Variants in ZNF804B observed in about 807,000 individuals in gnomAD.
ZNF804B encodes the protein zinc finger 804B.
ZNF804B carries 80 observed loss-of-function variants against 101.4 expected under a neutral mutation model. That is an observed-to-expected ratio of 0.79 (90% CI 0.66 to 0.95). The LOEUF (loss-of-function observed/expected upper bound fraction) is 0.95. Among genes scored for constraint, ZNF804B ranks in the 40% least tolerant of loss-of-function variants. ZNF804B has a pLI of 0.00. For synonymous variants in ZNF804B, 622 were observed against 558.8 expected (o/e 1.11, Z -1.59); for missense variants, 1,673 against 1,561.9 (o/e 1.07, Z -1.20).
rs537915887 is a variant in ZNF804B, at chr7:89,031,584, A to T, written c.109-186571A>T. ...AATGGCAGCAAAAACATACATCCTAATTTTTTTTCCTTGTTCTGCCATTAA... is the reference window on the plus strand; with the variant it reads ...AATGGCAGCAAAAACATACATCCTATTTTTTTTTCCTTGTTCTGCCATTAA... On this transcript the variant is annotated intron_variant, in intron 1 of 3. Coordinates refer to ENST00000333190, the MANE Select transcript of ZNF804B (RefSeq NM_181646.5). Among the ~76,000 whole-genome samples, 11 of 151,422 alleles carry T rather than the reference A, an allele frequency of 7.3e-5. No homozygotes were observed. In the East Asian group the frequency reaches 2.1e-3, roughly 29 times the overall value.
At chr7:88,780,164 A>G (rs1276257867) in intron 1 of ZNF804B, among the ~76,000 whole-genome samples, 1 of 152,196 alleles carries the variant, frequency 6.6e-6, no homozygotes, top group Non-Finnish European at 1.5e-5. Context: ...TCCAAAAGAC[A>G]GGGAATACAA....
chr7:89,074,767 C>A (rs563584536), intron 1 of ZNF804B, among the ~76,000 whole-genome samples: 1 of 152,070 alleles, frequency 6.6e-6, no homozygotes, highest in East Asian at 1.9e-4. Context: ...CAGAAGAAGA[C>A]AGGAAAATAT....
At chr7:89,142,665 G>C (rs1790734071) in intron 1 of ZNF804B, among the ~76,000 whole-genome samples, 2 of 151,986 alleles carry the variant, frequency 1.3e-5, no homozygotes, top group Admixed American at 1.3e-4. Context: ...TGGGCACAAT[G>C]GTTCTGGCAC....
chr7:88,932,792 A>T (rs1792906969), intron 1 of ZNF804B, among the ~76,000 whole-genome samples: 1 of 151,868 alleles, frequency 6.6e-6, no homozygotes, highest in South Asian at 2.1e-4. Context: ...AACTAGATGG[A>T]TTCACAGATG....
chr7:89,255,037 C>T (rs1209793231), intron 2 of ZNF804B, among the ~76,000 whole-genome samples: 1 of 152,138 alleles, frequency 6.6e-6, no homozygotes, highest in Non-Finnish European at 1.5e-5. Context: ...GAAGAAATAA[C>T]TGAGACTGGC....
In ZNF804B at chr7:88,817,059, A is replaced by T. The variant is rs556249577; in HGVS notation, c.108+56975A>T. Among the ~76,000 whole-genome samples the T allele has an allele frequency of 1.1e-4, 16 of 152,254 alleles. No individual in the cohort carries two copies. The East Asian group carries it at 3.1e-3, about 30-fold the overall frequency. On this transcript the variant is annotated intron_variant, in intron 1 of 3. Coordinates refer to ENST00000333190, the MANE Select transcript of ZNF804B (RefSeq NM_181646.5). ...ATGGAATACTATGCAGCCATAAAAA[A>T]TGATGAGTTCATGTCCTTTGTAGGG...
At chr7:88,772,403 C>T (rs949409977) in intron 1 of ZNF804B, among the ~76,000 whole-genome samples, 15 of 152,166 alleles carry the variant, frequency 9.9e-5, no homozygotes, top group Non-Finnish European at 2.9e-5. Context: ...ATGCATTCCA[C>T]CCCTGAAGTG....
At chr7:89,205,840 G>T (rs1024335360) in intron 1 of ZNF804B, among the ~76,000 whole-genome samples, 7 of 152,190 alleles carry the variant, frequency 4.6e-5, no homozygotes, top group African/African-American at 1.7e-4. Context: ...TCCCAGTGGG[G>T]ATTCTATGTG....
chr7:88,839,862 A>G (rs993160735), intron 1 of ZNF804B, among the ~76,000 whole-genome samples: 1 of 152,110 alleles, frequency 6.6e-6, no homozygotes, highest in South Asian at 2.1e-4. Flanking sequence ...CAAATAATCT[A>G]TACATAGCAC....
intron 1 of ZNF804B, among the ~76,000 whole-genome samples, chr7:88,818,231 A>C (rs1166941074): frequency 1.3e-5 from 2 of 152,200 alleles, no homozygotes; most frequent in Admixed American, 1.3e-4. Context: ...TATTAAACTT[A>C]TTAGTCACAA....
chr7:88,898,859 G>T (rs1315328991), intron 1 of ZNF804B, among the ~76,000 whole-genome samples: 1 of 152,244 alleles, frequency 6.6e-6, no homozygotes, highest in South Asian at 2.1e-4. Context: ...CAGGGTGATA[G>T]CTTCACTGGT....
intron 1 of ZNF804B, among the ~76,000 whole-genome samples, chr7:89,050,401 T>C (rs1789181483): frequency 6.6e-6 from 1 of 152,162 alleles, no homozygotes; most frequent in Admixed American, 6.5e-5. Flanking sequence ...AGTCGTACCA[T>C]TTTCAATCAA....
intron 1 of ZNF804B, among the ~76,000 whole-genome samples, chr7:88,975,101 G>A (rs1793598023): frequency 6.6e-6 from 1 of 151,372 alleles, no homozygotes; most frequent in South Asian, 2.1e-4. Flanking sequence ...CGTTGCAGAT[G>A]ACAGAATGGC....
At chr7:88,898,247 C>T (rs1214600419) in intron 1 of ZNF804B, among the ~76,000 whole-genome samples, 4 of 151,646 alleles carry the variant, frequency 2.6e-5, no homozygotes, top group African/African-American at 9.7e-5. Context: ...CCACCACGCC[C>T]AGCTAATTTT....
At chr7:89,028,564 C>T (rs1386553851) in intron 1 of ZNF804B, among the ~76,000 whole-genome samples, 1 of 152,104 alleles carries the variant, frequency 6.6e-6, no homozygotes, top group African/African-American at 2.4e-5. Flanking sequence ...TGTAGAGAAA[C>T]TTAATCCTTT....
Position 88,776,368 on chromosome 7 carries a change from T to C in ZNF804B, c.108+16284T>C, listed in dbSNP as rs531907440. Among the ~76,000 whole-genome samples, 6 of 152,330 alleles carry C rather than the reference T, an allele frequency of 3.9e-5. No individual in the cohort carries two copies. In the South Asian group the frequency reaches 6.2e-4, roughly 16 times the overall value. ...ATCACATTATACTGTAGTTGGTTTT[T>C]ATTGGGAAGAGAAGTTCAGGCATGA... On this transcript the variant is annotated intron_variant, in intron 1 of 3. Coordinates refer to ENST00000333190, the MANE Select transcript of ZNF804B (RefSeq NM_181646.5).
intron 1 of ZNF804B, among the ~76,000 whole-genome samples, chr7:89,073,805 A>G (rs1044363026): frequency 6.6e-6 from 1 of 152,182 alleles, no homozygotes; most frequent in East Asian, 1.9e-4. Flanking sequence ...AATTGTAATT[A>G]AAAAATCCGC....
chr7:89,049,066 G>T (rs939956381), intron 1 of ZNF804B, among the ~76,000 whole-genome samples: 3 of 151,028 alleles, frequency 2.0e-5, no homozygotes, highest in African/African-American at 7.4e-5. Flanking sequence ...CATTTGCTTT[G>T]TATTGTACAA....
intron 1 of ZNF804B, among the ~76,000 whole-genome samples, chr7:89,028,429 G>A (rs755519062): frequency 2.1e-4 from 32 of 152,174 alleles, no homozygotes; most frequent in Admixed American, 3.3e-4. Context: ...ACCAGTTGAG[G>A]TTGGAAACTA....
Sources: allele counts gnomAD v4.1 joint callset (sites outside exome capture counted in the v4.1 genomes callset), GRCh38; gene constraint gnomAD v4.1.1; transcripts MANE v1.5; gene names NCBI Gene and HGNC (gene_info 2026-07-23, HGNC 2026-07-21).